GABRB3: variants seen among roughly 807,000 people sequenced by gnomAD.
GABRB3 encodes gamma-aminobutyric acid type A receptor subunit beta3, also known as gamma-aminobutyric acid receptor subunit beta-3.
Under a neutral mutation model 52.1 loss-of-function variants are expected in GABRB3, and 14 were observed. The observed-to-expected ratio is 0.27, with a 90% CI of 0.18 to 0.42. GABRB3 has a LOEUF of 0.42. Among genes scored for constraint, GABRB3 ranks in the 10% least tolerant of loss-of-function variants. The pLI, the probability that GABRB3 is intolerant of heterozygous loss-of-function variation, is 1.00. For missense variants in GABRB3, 307 were observed against 609.1 expected, an observed-to-expected ratio of 0.50 and a Z score of 5.22; for synonymous variants, 260 against 232.3, an observed-to-expected ratio of 1.12 and a Z score of -1.08.
intron 8 of GABRB3, among the ~76,000 whole-genome samples, chr15:26,554,968 A>C (rs1325414411): frequency 3.3e-5 from 5 of 152,138 alleles, no homozygotes; most frequent in Admixed American, 2.0e-4. Flanking sequence ...TCACGAGGTC[A>C]GGAGATCAAG....
At chr15:26,703,121 C>T (rs1179472682) in intron 3 of GABRB3, among the ~76,000 whole-genome samples, 12 of 152,200 alleles carry the variant, frequency 7.9e-5, no homozygotes, top group Non-Finnish European at 1.8e-4. Flanking sequence ...TGCCCCACCT[C>T]CTAATAAGCA....
intron 3 of GABRB3, chr15:26,657,126 G>A (rs1383807859): frequency 6.6e-6 from 1 of 152,202 alleles, no homozygotes; most frequent in Non-Finnish European, 1.5e-5. Context: ...CACACCAGAA[G>A]TGACCAGTTT....
Position 26,608,671 on chromosome 15 carries a change from G to A in GABRB3, c.461+12643C>T, listed in dbSNP as rs563315116. Among the ~76,000 whole-genome samples, 6 of 152,144 alleles carry A rather than the reference G, an allele frequency of 3.9e-5. No individual in the cohort carries two copies. The South Asian group carries it at 1.2e-3, about 32-fold the overall frequency. Reference sequence around the variant, plus strand: ...AGAGACATTTCTCAAAAGAAGACATGCAAATGGCCAACAAGACATATGAAA... The same window carrying A: ...AGAGACATTTCTCAAAAGAAGACATACAAATGGCCAACAAGACATATGAAA... On this transcript the variant is annotated intron_variant, in intron 4 of 8. Transcript: ENST00000311550.
chr15:26,628,384 G>T (rs560659958), intron 3 of GABRB3, among the ~76,000 whole-genome samples: 1 of 152,346 alleles, frequency 6.6e-6, no homozygotes, highest in South Asian at 2.1e-4. Context: ...AGCCCTCAGG[G>T]GCTGCCCATG....
intron 3 of GABRB3, among the ~76,000 whole-genome samples, chr15:26,677,667 A>T (rs1888111650): frequency 6.6e-6 from 1 of 152,238 alleles, no homozygotes; most frequent in Non-Finnish European, 1.5e-5. Flanking sequence ...CCAAAATTAC[A>T]ATACTACATT....
At chr15:26,629,515 G>C (rs1194964921) in intron 3 of GABRB3, among the ~76,000 whole-genome samples, 4 of 152,160 alleles carry the variant, frequency 2.6e-5, no homozygotes, top group African/African-American at 9.7e-5. Flanking sequence ...GGAGGAGGAG[G>C]GGGTATTGGT....
At chr15:26,721,718 C>A (rs114730746) in intron 3 of GABRB3, among the ~76,000 whole-genome samples, 11,771 of 151,718 alleles carry the variant, frequency 0.078, 510 homozygotes, top group Middle Eastern at 0.15. Context: ...GAGCCTGCAC[C>A]ACAAAATATA....
chr15:26,767,319 C>T (rs1484544258), intron 3 of GABRB3: 1 of 152,152 alleles, frequency 6.6e-6, no homozygotes, highest in Non-Finnish European at 1.5e-5. Context: ...TAGCGCATTT[C>T]CTACCTTTAA....
In GABRB3 at chr15:26,561,175, C is replaced by A. The variant is rs748390802; in HGVS notation, c.837G>T (p.Gly279=). The A allele has an allele frequency of 6.2e-7, 1 of 1,613,824 alleles. No individual in the cohort carries two copies. Among genetic ancestry groups the A allele is most frequent in the Non-Finnish European group, 8.5e-7 (1 of 1,180,030 alleles). ...TTGTCATTGTCAGCACAGTTGTGAT[C>A]CCTAGAAAAGAAACAAAGTGGTGAG... ...YDASAARVAL[G]ITTVLTMTTI... is the part of the protein sequence containing the mutation. Residue 279 remains glycine (G), a splice_region_variant and synonymous_variant, in exon 8 of 9, where the codon GGG becomes GGT. Transcript: ENST00000311550.
rs1469553747 is a variant in GABRB3 at position 26,543,733 on chromosome 15, A to G, written c.*4060T>C. The stretch of plus-strand genomic sequence containing the variant: ...AATGAAATCAACATGAGAATTGATT[A>G]TGACAGCAATCGCCTATTCCTACTA... On this transcript the variant is annotated 3_prime_UTR_variant, in exon 9 of 9. Transcript: ENST00000311550. 3.3e-5 allele frequency: 5 copies of G among 152,678 alleles called. No homozygotes were observed. Among genetic ancestry groups the G allele is most frequent in the African/African-American group, 7.2e-5 (3 of 41,472 alleles). The allele number at this position is 152,678 out of a possible 1,614,324, so 9.5% of individuals were successfully genotyped here.
chr15:26,726,974 C>G (rs180755339), intron 3 of GABRB3, among the ~76,000 whole-genome samples: 1 of 152,166 alleles, frequency 6.6e-6, no homozygotes, highest in Non-Finnish European at 1.5e-5. Flanking sequence ...GCCTGACCAA[C>G]ATGGTGAAAC....
At chr15:26,753,023 C>G (rs1890558645) in intron 3 of GABRB3, among the ~76,000 whole-genome samples, 2 of 152,134 alleles carry the variant, frequency 1.3e-5, no homozygotes. Flanking sequence ...AGAAAGAAAG[C>G]TAAATCTTGT....
rs2140637270 is a variant in GABRB3, at chr15:26,544,524, T to G, written c.*3269A>C. On this transcript the variant is annotated 3_prime_UTR_variant, in exon 9 of 9. Coordinates refer to ENST00000311550, the MANE Select transcript of GABRB3 (RefSeq NM_000814.6). ...AATATTATCATGACATACTTTCTAGTTCGTTTGAGATTCAGGGGAAATGGA... is the reference window on the plus strand; with the variant it reads ...AATATTATCATGACATACTTTCTAGGTCGTTTGAGATTCAGGGGAAATGGA... The G allele has an allele frequency of 6.6e-6, 1 of 152,320 alleles. No individual in the cohort carries two copies. The highest frequency in any genetic ancestry group is 2.1e-4 in the South Asian group (1 of 4,828). 9.4% of individuals were successfully genotyped at this position (152,320 alleles called of 1,614,324 possible).
intron 3 of GABRB3, among the ~76,000 whole-genome samples, chr15:26,721,202 A>G (rs1889634950): frequency 6.6e-6 from 1 of 152,180 alleles, no homozygotes; most frequent in Admixed American, 6.5e-5. Flanking sequence ...ATGCCACCCC[A>G]AAATATGCTT....
intron 4 of GABRB3, among the ~76,000 whole-genome samples, chr15:26,586,704 A>AAAAAAAAAAAG (rs558336153): frequency 2.0e-5 from 2 of 102,298 alleles, no homozygotes; most frequent in East Asian, 8.1e-4. Context: ...AAAAAAAAAA[A>AAAAAAAAAAAG]AGAGAGAGAG....
intron 4 of GABRB3, among the ~76,000 whole-genome samples, chr15:26,618,386 G>A (rs1892346377): frequency 6.6e-6 from 1 of 151,886 alleles, no homozygotes. Flanking sequence ...TCTGATCTTT[G>A]ACAAACCTGA....
chr15:26,655,787 T>C (rs954760092), intron 3 of GABRB3, among the ~76,000 whole-genome samples: 1 of 151,946 alleles, frequency 6.6e-6, no homozygotes, highest in Admixed American at 6.6e-5. Context: ...TGTGTACTTG[T>C]ACCTGTTGGT....
intron 4 of GABRB3, among the ~76,000 whole-genome samples, chr15:26,609,279 A>G (rs936188002): frequency 6.6e-6 from 1 of 152,152 alleles, no homozygotes; most frequent in African/African-American, 2.4e-5. Context: ...TGGGATCTAC[A>G]GTTGAACTCA....
intron 3 of GABRB3, chr15:26,771,757 G>C (rs1171460053): frequency 6.6e-6 from 1 of 152,312 alleles, no homozygotes; most frequent in African/African-American, 2.4e-5. Flanking sequence ...GACTCTCCCG[G>C]TAGAGCGGCT....
Sources: allele counts gnomAD v4.1 joint callset (sites outside exome capture counted in the v4.1 genomes callset), GRCh38; gene constraint gnomAD v4.1.1; transcripts MANE v1.5; gene names NCBI Gene and HGNC (gene_info 2026-07-23, HGNC 2026-07-21).